The following OXR1 variants were observed in gnomAD, a reference collection of about 807,000 sequenced individuals.
The protein encoded by OXR1 is oxidation resistance 1.
In OXR1, 41 loss-of-function variants were observed where a neutral mutation model predicts 104.6. The observed-to-expected ratio is 0.39, with a 90% CI of 0.31 to 0.51. The LOEUF is 0.51. Ranked by LOEUF, OXR1 falls within the 20% of genes least tolerant of loss-of-function variation. OXR1 has a pLI of 0.77. For missense variants in OXR1, 955 were observed against 1,031.9 expected, an observed-to-expected ratio of 0.93 and a Z score of 1.02; for synonymous variants, 348 against 348.4, an observed-to-expected ratio of 1.00 and a Z score of 0.01.
chr8:106,530,580 A>G (rs749867952), intron 3 of OXR1, among the ~76,000 whole-genome samples: 2 of 152,224 alleles, frequency 1.3e-5, no homozygotes, highest in Non-Finnish European at 2.9e-5. Context: ...TAAAAACCAG[A>G]CACAACTGGG....
At chr8:106,653,433 AG>A (rs1824790445) in intron 3 of OXR1, among the ~76,000 whole-genome samples, 1 of 151,978 alleles carries the variant, frequency 6.6e-6, no homozygotes, top group African/African-American at 2.4e-5. Flanking sequence ...AAGGAAGGCA[AG>A]GTTCATTTAA....
intron 11 of OXR1, among the ~76,000 whole-genome samples, chr8:106,721,825 T>C (rs906804501): frequency 2.0e-5 from 3 of 152,222 alleles, no homozygotes; most frequent in Non-Finnish European, 4.4e-5. Flanking sequence ...AAGTGTAAAA[T>C]ATGTAACCCG....
chr8:106,357,421 T>C (rs1299090108), intron 1 of OXR1, among the ~76,000 whole-genome samples: 2 of 152,102 alleles, frequency 1.3e-5, no homozygotes, highest in African/African-American at 2.4e-5. Flanking sequence ...AGTTAGGATG[T>C]GGATGAAACT....
chr8:106,606,292 A>C (rs1159676398), intron 3 of OXR1, among the ~76,000 whole-genome samples: 6 of 149,936 alleles, frequency 4.0e-5, no homozygotes, highest in Non-Finnish European at 5.9e-5. Flanking sequence ...GATACTCTTT[A>C]TTTATTTATT....
chr8:106,594,662 G>C (rs978974464), intron 3 of OXR1, among the ~76,000 whole-genome samples: 2 of 152,160 alleles, frequency 1.3e-5, no homozygotes, highest in Admixed American at 1.3e-4. Flanking sequence ...AATAAGAGGA[G>C]GCGACCAGCA....
At chr8:106,684,706 A>G (rs903756300) in intron 6 of OXR1, among the ~76,000 whole-genome samples, 1 of 152,182 alleles carries the variant, frequency 6.6e-6, no homozygotes, top group Non-Finnish European at 1.5e-5. Context: ...TATTTCATCT[A>G]TAAATAAATG....
At chr8:106,585,848 T>A (rs1235199195) in intron 3 of OXR1, among the ~76,000 whole-genome samples, 1 of 152,138 alleles carries the variant, frequency 6.6e-6, no homozygotes, top group Non-Finnish European at 1.5e-5. Flanking sequence ...GGCCTTGAGA[T>A]GGGAGCTTGC....
At chr8:106,667,616 A>T (rs1439803404) in intron 3 of OXR1, among the ~76,000 whole-genome samples, 1 of 152,160 alleles carries the variant, frequency 6.6e-6, no homozygotes, top group Non-Finnish European at 1.5e-5. Flanking sequence ...TGGAATTATG[A>T]TCATTCTTTT....
intron 1 of OXR1, among the ~76,000 whole-genome samples, chr8:106,279,481 G>A (rs990046212): frequency 6.6e-6 from 1 of 152,074 alleles, no homozygotes; most frequent in African/African-American, 2.4e-5. Context: ...AATTATTTTT[G>A]CTGTCTAATG....
chr8:106,297,679 T>G (rs1442623508), intron 1 of OXR1, among the ~76,000 whole-genome samples: 1 of 152,226 alleles, frequency 6.6e-6, no homozygotes, highest in African/African-American at 2.4e-5. Context: ...AATGTCATCA[T>G]GCCATGTATG....
intron 2 of OXR1, among the ~76,000 whole-genome samples, chr8:106,398,571 C>A (rs12547728): frequency 0.19 from 29,517 of 152,124 alleles, 3,364 homozygotes; most frequent in East Asian, 0.35. Context: ...ACTAATTAGC[C>A]TCTTTTCCTT....
chr8:106,293,986 T>G, intron 1 of OXR1, among the ~76,000 whole-genome samples: 1 of 131,558 alleles, frequency 7.6e-6, no homozygotes. Flanking sequence ...TTTTTTTTTT[T>G]GGTAAGTAGG....
intron 1 of OXR1, among the ~76,000 whole-genome samples, chr8:106,310,355 A>G (rs1331019711): frequency 6.6e-6 from 1 of 152,000 alleles, no homozygotes; most frequent in Admixed American, 6.6e-5. Flanking sequence ...TCCTGGAGAC[A>G]TTCCTCAGAC....
intron 1 of OXR1, among the ~76,000 whole-genome samples, chr8:106,358,818 G>GGAATAATTTAATTCACTAAATAATTTAGT (rs1563735401): frequency 3.0e-4 from 44 of 146,990 alleles, no homozygotes; most frequent in Admixed American, 1.6e-3. Flanking sequence ...ATTATTTAGT[G>GGAATAATTTAATTCACTAAATAATTTAGT]GAATAATTTA....
intron 3 of OXR1, among the ~76,000 whole-genome samples, chr8:106,528,613 G>A: frequency 6.6e-6 from 1 of 152,136 alleles, no homozygotes; most frequent in East Asian, 1.9e-4. Context: ...TTTAATTGCA[G>A]TACACCAGAC....
intron 1 of OXR1, among the ~76,000 whole-genome samples, chr8:106,276,547 T>G (rs1242491649): frequency 6.6e-6 from 1 of 152,192 alleles, no homozygotes; most frequent in East Asian, 1.9e-4. Flanking sequence ...TGAAGATAAT[T>G]ATGAAGTGAT....
intron 2 of OXR1, among the ~76,000 whole-genome samples, chr8:106,415,711 C>T (rs1278783044): frequency 6.6e-6 from 1 of 152,194 alleles, no homozygotes; most frequent in South Asian, 2.1e-4. Flanking sequence ...GTTCTACTCA[C>T]ACTTATTGCT....
At chr8:106,343,691 G>A (rs182816430) in intron 1 of OXR1, among the ~76,000 whole-genome samples, 243 of 152,360 alleles carry the variant, frequency 1.6e-3, no homozygotes, top group Non-Finnish European at 2.7e-3. Context: ...GAAAGTTAAG[G>A]AAGGTGTATC....
At chr8:106,366,716 T>C (rs1816483594) in intron 2 of OXR1, among the ~76,000 whole-genome samples, 1 of 152,180 alleles carries the variant, frequency 6.6e-6, no homozygotes, top group African/African-American at 2.4e-5. Context: ...GTTGAATGAA[T>C]GACTGTTCCA....
Sources: gnomAD v4.1 joint callset for allele counts (sites outside exome capture counted in the v4.1 genomes callset) on GRCh38, gnomAD v4.1.1 for gene constraint, MANE v1.5 for transcripts, NCBI Gene and HGNC (gene_info 2026-07-23, HGNC 2026-07-21) for gene names.